C1orf105: variants seen among roughly 807,000 people sequenced by gnomAD.
The protein encoded by C1orf105 is chromosome 1 open reading frame 105, also known as uncharacterized protein C1orf105.
C1orf105 carries 17 observed loss-of-function variants against 20.8 expected under a neutral mutation model. That is an observed-to-expected ratio of 0.82 (90% CI 0.56 to 1.23). The LOEUF is 1.23. Among genes scored for constraint, C1orf105 ranks in the 50% most tolerant of loss-of-function variants. The pLI is 0.00. For missense variants in C1orf105, 219 were observed against 213.5 expected, an observed-to-expected ratio of 1.03 and a Z score of -0.16; for synonymous variants, 72 against 72.1, an observed-to-expected ratio of 1.00 and a Z score of 0.01.
intron 1 of C1orf105, among the ~76,000 whole-genome samples, chr1:172,428,549 C>A (rs1232167762): frequency 2.0e-5 from 3 of 152,232 alleles, no homozygotes; most frequent in Admixed American, 2.0e-4. Flanking sequence ...CTTTCCTCTG[C>A]AGCTCTTCCC....
At chr1:172,441,950 G>A in intron 1 of C1orf105, 1 of 1,614,174 alleles carries the variant, frequency 6.2e-7, no homozygotes, top group Non-Finnish European at 8.5e-7. Context: ...TAGCTCCGGG[G>A]AGTACATGCC....
intron 1 of C1orf105, chr1:172,431,050 T>G: frequency 1.5e-6 from 1 of 653,132 alleles, no homozygotes; most frequent in South Asian, 1.8e-5. Context: ...TTCCTCTTCT[T>G]GGGCCTCCCT....
At chr1:172,466,966 C>T (rs910279657) in intron 6 of C1orf105, among the ~76,000 whole-genome samples, 3 of 152,122 alleles carry the variant, frequency 2.0e-5, no homozygotes, top group Admixed American at 6.5e-5. Flanking sequence ...GTCATGAAAA[C>T]GGCACTAGGC....
chr1:172,447,708 C>A (rs1648165644), intron 2 of C1orf105, among the ~76,000 whole-genome samples: 1 of 152,206 alleles, frequency 6.6e-6, no homozygotes, highest in Non-Finnish European at 1.5e-5. Flanking sequence ...AAACAATGGA[C>A]AATGAAATCT....
rs534608462 is a variant in C1orf105, at chr1:172,462,778, G to GT, written c.341+539dup. Among the ~76,000 whole-genome samples the GT allele has an allele frequency of 2.9e-3, 448 of 151,956 alleles. 5 individuals are homozygous for GT. The highest frequency in any genetic ancestry group is 0.01 in the African/African-American group (431 of 41,452). On this transcript the variant is annotated intron_variant, in intron 5 of 6. Coordinates refer to ENST00000367727, the MANE Select transcript of C1orf105 (RefSeq NM_139240.4). ...GTTTTGTTTTGTTTGGTTTGGTTTG[G>GT]TTTTTTCTTTTTGAGATGGAGTCTC...
chr1:172,467,947 T>G (rs1318081708), intron 6 of C1orf105, among the ~76,000 whole-genome samples: 1 of 152,196 alleles, frequency 6.6e-6, no homozygotes, highest in Non-Finnish European at 1.5e-5. Context: ...AATACAGATT[T>G]CTTTTGAAAC....
At chr1:172,452,935 CGTAAGGAAA>C (rs2149181962) in intron 3 of C1orf105, 2 of 1,528,444 alleles carry the variant, frequency 1.3e-6, no homozygotes, top group South Asian at 2.5e-5. Flanking sequence ...CTGAGCTGGT[CGTAAGGAAA>C]CCGAGTGAGA....
intron 1 of C1orf105, among the ~76,000 whole-genome samples, chr1:172,421,616 ATTGT>A (rs1453191923): frequency 6.6e-6 from 1 of 152,214 alleles, no homozygotes; most frequent in African/African-American, 2.4e-5. Context: ...GCCTTCACTG[ATTGT>A]TCTCCATGCA....
intron 3 of C1orf105, among the ~76,000 whole-genome samples, chr1:172,454,828 C>T (rs1649060498): frequency 6.6e-6 from 1 of 152,206 alleles, no homozygotes; most frequent in African/African-American, 2.4e-5. Flanking sequence ...CACCATCATA[C>T]TTCTTGATGT....
intron 1 of C1orf105, among the ~76,000 whole-genome samples, chr1:172,427,615 A>T (rs2071755818): frequency 6.6e-6 from 1 of 152,098 alleles, no homozygotes; most frequent in South Asian, 2.1e-4. Context: ...GTAAAGGTCA[A>T]TTTTCAGCTG....
At chr1:172,456,740 C>T (rs956351305) in intron 4 of C1orf105, among the ~76,000 whole-genome samples, 5 of 152,184 alleles carry the variant, frequency 3.3e-5, no homozygotes, top group South Asian at 2.1e-4. Flanking sequence ...TGAGACACTT[C>T]GCCTTGGGCT....
chr1:172,446,338 A>G (rs1371450332), intron 2 of C1orf105, among the ~76,000 whole-genome samples: 1 of 152,174 alleles, frequency 6.6e-6, no homozygotes. Context: ...GCATATTTTA[A>G]TTGAGGGTGG....
chr1:172,468,511 A>T lies in C1orf105; in HGVS notation c.469A>T (p.Thr157Ser), dbSNP rs1208107109. ...PRTAVFHGLLTEAYKTLKERQ... is the reference protein window; with the variant it reads ...PRTAVFHGLLSEAYKTLKERQ... ...GACAGCTGTCTTCCACGGATTACTGACAGAGGCCTACAAAACTCTAAAAGA... is the reference window on the plus strand; with the variant it reads ...GACAGCTGTCTTCCACGGATTACTGTCAGAGGCCTACAAAACTCTAAAAGA... The change falls in exon 7 of 7, where the codon ACA becomes TCA. Residue 157 changes from threonine (T) to serine (S), a missense_variant. Coordinates refer to ENST00000367727, the MANE Select transcript of C1orf105 (RefSeq NM_139240.4). 3 of 1,613,860 alleles carry T rather than the reference A, an allele frequency of 1.9e-6. No homozygotes were observed. The highest frequency in any genetic ancestry group is 2.7e-5 in the African/African-American group (2 of 74,904).
At chr1:172,439,716 C>T (rs576483587) in intron 1 of C1orf105, among the ~76,000 whole-genome samples, 1 of 151,994 alleles carries the variant, frequency 6.6e-6, no homozygotes, top group South Asian at 2.1e-4. Flanking sequence ...ACCTGAGTTC[C>T]CTAAAATTAA....
intron 1 of C1orf105, chr1:172,442,603 G>C (rs748767882): frequency 6.2e-7 from 1 of 1,613,184 alleles, no homozygotes; most frequent in Admixed American, 1.7e-5. Context: ...CTTGGTGTTA[G>C]TCACAGGTTG....
chr1:172,434,922 C>T (rs528866650), intron 1 of C1orf105, among the ~76,000 whole-genome samples: 110 of 152,284 alleles, frequency 7.2e-4, no homozygotes, highest in Non-Finnish European at 3.4e-4. Context: ...GATATCACCA[C>T]CAATCCCACA....
At chr1:172,463,603 T>C (rs1480607374) in intron 5 of C1orf105, among the ~76,000 whole-genome samples, 1 of 152,248 alleles carries the variant, frequency 6.6e-6, no homozygotes, top group African/African-American at 2.4e-5. Flanking sequence ...CATTATGAAC[T>C]TTAAATGGAA....
At chr1:172,441,618 C>G in intron 1 of C1orf105, 2 of 1,026,750 alleles carry the variant, frequency 1.9e-6, no homozygotes, top group Non-Finnish European at 2.8e-6. Flanking sequence ...GATCTCTATT[C>G]TCTTACCACA....
At chr1:172,430,369 A>G in intron 1 of C1orf105, 1 of 689,974 alleles carries the variant, frequency 1.4e-6, no homozygotes, top group Non-Finnish European at 2.6e-6. Context: ...GGCAGCAGTT[A>G]AGGGCTCTGG....
Sources: gnomAD v4.1 joint callset for allele counts (sites outside exome capture counted in the v4.1 genomes callset) on GRCh38, gnomAD v4.1.1 for gene constraint, MANE v1.5 for transcripts, NCBI Gene and HGNC (gene_info 2026-07-23, HGNC 2026-07-21) for gene names.